Variants in SPIN1 observed in about 807,000 individuals in gnomAD.
The protein encoded by SPIN1 is spindlin 1.
A neutral mutation model predicts 26.0 loss-of-function variants in SPIN1; 3 were observed. The observed-to-expected ratio is 0.12, with a 90% CI of 0.05 to 0.30. SPIN1 has a LOEUF of 0.30. Among genes scored for constraint, SPIN1 ranks in the 10% least tolerant of loss-of-function variants. The pLI is 1.00. For missense variants in SPIN1, 126 were observed against 333.4 expected (o/e 0.38, Z 4.84); for synonymous variants, 101 against 116.5 (o/e 0.87, Z 0.86).
intron 2 of SPIN1, among the ~76,000 whole-genome samples, chr9:88,439,684 G>C (rs557153006): frequency 6.6e-6 from 1 of 152,178 alleles, no homozygotes; most frequent in African/African-American, 2.4e-5. Flanking sequence ...TACACATTAA[G>C]GATTGTTTTG....
At chr9:88,403,137 T>A (rs1489860214) in intron 1 of SPIN1, among the ~76,000 whole-genome samples, 1 of 152,188 alleles carries the variant, frequency 6.6e-6, no homozygotes, top group Non-Finnish European at 1.5e-5. Flanking sequence ...ATTATTATTA[T>A]TATTTTTTAA....
intron 1 of SPIN1, among the ~76,000 whole-genome samples, chr9:88,401,486 T>C (rs1827185733): frequency 6.6e-6 from 1 of 152,214 alleles, no homozygotes; most frequent in South Asian, 2.1e-4. Context: ...AAGTTTCTTA[T>C]ATAAAATGGT....
At chr9:88,474,937 TG>T in intron 5 of SPIN1, 140 bp from the exon 6 acceptor site, 1 of 795,910 alleles carries the variant, frequency 1.3e-6, no homozygotes, top group Non-Finnish European at 1.9e-6. Flanking sequence ...TGCTGACTCC[TG>T]GTCTAGATAA....
chr9:88,465,536 C>T (rs1334817958), intron 4 of SPIN1, among the ~76,000 whole-genome samples: 2 of 152,162 alleles, frequency 1.3e-5, no homozygotes, highest in African/African-American at 4.8e-5. Flanking sequence ...TTGCATTTCT[C>T]TGATGATTAG....
chr9:88,472,350 T>C (rs1828804811), intron 5 of SPIN1, among the ~76,000 whole-genome samples: 1 of 152,196 alleles, frequency 6.6e-6, no homozygotes, highest in African/African-American at 2.4e-5. Context: ...TTCTCCTGCC[T>C]CAGCCTCCCG....
At chr9:88,439,525 A>G (rs1014580112) in intron 2 of SPIN1, among the ~76,000 whole-genome samples, 1 of 152,228 alleles carries the variant, frequency 6.6e-6, no homozygotes, top group African/African-American at 2.4e-5. Flanking sequence ...ACCTCATTTT[A>G]TACGCAGATA....
At chr9:88,409,010 T>TGTGTGTG (rs1827377525) in intron 1 of SPIN1, among the ~76,000 whole-genome samples, 4 of 146,392 alleles carry the variant, frequency 2.7e-5, no homozygotes, top group South Asian at 2.2e-4. Flanking sequence ...TGTGTGTGTG[T>TGTGTGTG]TTGAGATGAA....
chr9:88,412,759 C>T (rs896010059), intron 1 of SPIN1, among the ~76,000 whole-genome samples: 4 of 151,936 alleles, frequency 2.6e-5, no homozygotes, highest in African/African-American at 9.7e-5. Flanking sequence ...TCTCAGCTCA[C>T]TGCAACTTCC....
chr9:88,427,451 TTTGGG>T (rs1827784489), intron 2 of SPIN1, among the ~76,000 whole-genome samples: 1 of 152,158 alleles, frequency 6.6e-6, no homozygotes, highest in Admixed American at 6.5e-5. Flanking sequence ...GTCAGATTAA[TTTGGG>T]TTGGTGATGA....
chr9:88,445,838 G>A (rs905031408), intron 2 of SPIN1, among the ~76,000 whole-genome samples: 3 of 151,932 alleles, frequency 2.0e-5, no homozygotes, highest in Non-Finnish European at 2.9e-5. Context: ...ACCATGCTCC[G>A]CCTGAGACCT....
rs565255299 is a variant in SPIN1 at position 88,467,305 on chromosome 9, A to G, written c.356-1067A>G. ...ATCATACAAATACTGACCTGCTATG[A>G]TCTAGGTATAAAACAAGAAAGGGAA... On this transcript the variant is annotated intron_variant, in intron 4 of 5. Coordinates refer to ENST00000375859, the MANE Select transcript of SPIN1 (RefSeq NM_006717.3). 5.0e-4 allele frequency among the ~76,000 whole-genome samples: 76 copies of G among 152,308 alleles called. 1 individual carries two copies. The highest frequency in any genetic ancestry group is 1.8e-3 in the African/African-American group (74 of 41,568).
At chr9:88,432,485 C>CTT (rs539466271) in intron 2 of SPIN1, among the ~76,000 whole-genome samples, 13 of 141,574 alleles carry the variant, frequency 9.2e-5, no homozygotes, top group East Asian at 2.0e-4. Flanking sequence ...ACCCTGGCTC[C>CTT]TTTTTTTTTT....
At chr9:88,404,915 CAA>C (rs112038274) in intron 1 of SPIN1, among the ~76,000 whole-genome samples, 1 of 83,858 alleles carries the variant, frequency 1.2e-5, no homozygotes. Context: ...GATTTCGTCT[CAA>C]AAAAAAAAAA....
At chr9:88,396,779 T>C (rs1827070208) in intron 1 of SPIN1, among the ~76,000 whole-genome samples, 1 of 152,050 alleles carries the variant, frequency 6.6e-6, no homozygotes, top group Admixed American at 6.6e-5. Flanking sequence ...CACAAACCTA[T>C]ATGGGACAAC....
chr9:88,458,825 T>G lies in SPIN1; in HGVS notation c.102-3671T>G, dbSNP rs543960436. Among the ~76,000 whole-genome samples, 3 of 152,306 alleles carry G rather than the reference T, an allele frequency of 2.0e-5. No homozygotes were observed. The East Asian group carries it at 5.8e-4, about 29-fold the overall frequency. On this transcript the variant is annotated intron_variant, in intron 3 of 5. Coordinates refer to ENST00000375859, the MANE Select transcript of SPIN1 (RefSeq NM_006717.3). ...GAAGCTGCAGCACAAACAGCCAGTCTGGAGGCAGAATTCCTTCCTCCTCCG... is the reference window on the plus strand; with the variant it reads ...GAAGCTGCAGCACAAACAGCCAGTCGGGAGGCAGAATTCCTTCCTCCTCCG...
At chr9:88,389,495 T>G (rs1196245755) in intron 1 of SPIN1, 1 of 152,236 alleles carries the variant, frequency 6.6e-6, no homozygotes, top group East Asian at 1.9e-4. Context: ...ATTTATTCTC[T>G]TTTTACTTAT....
intron 2 of SPIN1, among the ~76,000 whole-genome samples, chr9:88,447,106 C>T (rs1488037057): frequency 6.6e-6 from 1 of 152,082 alleles, no homozygotes; most frequent in Non-Finnish European, 1.5e-5. Flanking sequence ...TTGTTTTCTT[C>T]CAGGTTTTTC....
At chr9:88,447,037 C>T (rs973153712) in intron 2 of SPIN1, among the ~76,000 whole-genome samples, 21 of 152,110 alleles carry the variant, frequency 1.4e-4, no homozygotes, top group Middle Eastern at 3.4e-3. Flanking sequence ...TCTTTGATTC[C>T]GCTTTCCTAT....
At chr9:88,418,492 C>G (rs1827611601) in intron 1 of SPIN1, among the ~76,000 whole-genome samples, 1 of 152,122 alleles carries the variant, frequency 6.6e-6, no homozygotes, top group African/African-American at 2.4e-5. Flanking sequence ...ACTATTAGTA[C>G]TCCTGTATAC....
Sources: allele counts gnomAD v4.1 joint callset (sites outside exome capture counted in the v4.1 genomes callset), GRCh38; gene constraint gnomAD v4.1.1; transcripts MANE v1.5; gene names NCBI Gene and HGNC (gene_info 2026-07-23, HGNC 2026-07-21).